The following LARGE1 variants were observed in gnomAD, a reference collection of about 807,000 sequenced individuals.
LARGE1 encodes the protein LARGE xylosyl- and glucuronyltransferase 1.
Under a neutral mutation model 87.6 loss-of-function variants are expected in LARGE1, and 43 were observed. The observed-to-expected ratio is 0.49, with a 90% CI of 0.38 to 0.63. The LOEUF (loss-of-function observed/expected upper bound fraction) is 0.63, where lower values mean the gene tolerates loss of function less well. LARGE1 is among the 30% of genes least tolerant of loss of function. The probability of loss-of-function intolerance (pLI) is 0.00; values close to 1 mark genes in which losing one functional copy is unlikely to be tolerated. For missense variants in LARGE1, 802 were observed against 1,000.2 expected (o/e 0.80, Z 2.67); for synonymous variants, 434 against 394.6 (o/e 1.10, Z -1.18).
intron 2 of LARGE1, among the ~76,000 whole-genome samples, chr22:33,719,497 A>ATAGT (rs1556010991): frequency 3.4e-5 from 5 of 145,104 alleles, no homozygotes; most frequent in African/African-American, 1.3e-4. Context: ...CATCTATACC[A>ATAGT]TATTTATTTA....
At chr22:33,632,413 C>T (rs757748080) in intron 3 of LARGE1, among the ~76,000 whole-genome samples, 1 of 152,150 alleles carries the variant, frequency 6.6e-6, no homozygotes, top group Non-Finnish European at 1.5e-5. Flanking sequence ...CATGAGCCAC[C>T]GTGCCTGGTT....
At chr22:33,922,271 T>TC (rs1569037147), upstream of LARGE1, among the ~76,000 whole-genome samples, 9 of 17,128 alleles carry the variant, frequency 5.3e-4, no homozygotes, top group Non-Finnish European at 8.3e-4. Context: ...GAGGTCGGGC[T>TC]GGGGGGGTGG....
intron 1 of LARGE1, among the ~76,000 whole-genome samples, chr22:33,906,597 G>A (rs1460065171): frequency 6.6e-6 from 1 of 152,156 alleles, no homozygotes; most frequent in Non-Finnish European, 1.5e-5. Flanking sequence ...TAAGGAAGGG[G>A]CCTTTCCTAT....
the LARGE1 span, among the ~76,000 whole-genome samples, chr22:33,100,869 C>T: frequency 3.5e-5 from 5 of 142,198 alleles, no homozygotes; most frequent in Admixed American, 2.9e-4. Context: ...GATGGAGTTT[C>T]GCTCTTGTTG....
intron 9 of LARGE1, among the ~76,000 whole-genome samples, chr22:33,344,003 G>T (rs899644595): frequency 6.6e-6 from 1 of 152,168 alleles, no homozygotes; most frequent in Non-Finnish European, 1.5e-5. Context: ...GGGAGAAAGA[G>T]GTGGGCTGGG....
intron 1 of LARGE1, among the ~76,000 whole-genome samples, chr22:33,826,754 AT>A (rs1294989571): frequency 6.6e-6 from 1 of 152,054 alleles, no homozygotes; most frequent in African/African-American, 2.4e-5. Flanking sequence ...GTCTTTTCCT[AT>A]TTCCAAATCA....
At chr22:33,834,082 G>A (rs573825818) in intron 1 of LARGE1, among the ~76,000 whole-genome samples, 23 of 152,134 alleles carry the variant, frequency 1.5e-4, no homozygotes, top group African/African-American at 5.5e-4. Context: ...TGGGATTCAA[G>A]GTAATAAAGC....
At position 33,278,744 on chromosome 22, in the gene LARGE1, G is replaced by A. The variant is rs918289170; in HGVS notation, c.1878-1489C>T. Among the ~76,000 whole-genome samples, 4 of 151,792 alleles carry A rather than the reference G, an allele frequency of 2.6e-5. No homozygotes were observed. The South Asian group carries it at 6.3e-4, about 24-fold the overall frequency. On this transcript the variant is annotated intron_variant, in intron 13 of 14. Transcript: ENST00000397394. ...TTTTTATTTTTTTATTTTTTGGGAT[G>A]GAGTCTCGCTCTGTCTCCAGGCTGG...
At chr22:33,721,382 G>T (rs1269887706) in intron 2 of LARGE1, among the ~76,000 whole-genome samples, 62 of 152,232 alleles carry the variant, frequency 4.1e-4, no homozygotes, top group Non-Finnish European at 1.5e-5. Flanking sequence ...ACGATTAGGT[G>T]AGAATTTGAA....
chr22:33,176,953 T>C (rs191959257), intron 11 of LARGE1, among the ~76,000 whole-genome samples: 1 of 152,262 alleles, frequency 6.6e-6, no homozygotes, highest in East Asian at 1.9e-4. Flanking sequence ...GTGGCACACA[T>C]ACACCATGGA....
intron 1 of LARGE1, among the ~76,000 whole-genome samples, chr22:33,916,610 G>A (rs1324578780): frequency 1.3e-5 from 2 of 152,170 alleles, no homozygotes; most frequent in Admixed American, 1.3e-4. Context: ...TCCCCGAGGT[G>A]TGTCAGTGGC....
chr22:33,853,178 G>A (rs567828514), intron 1 of LARGE1, among the ~76,000 whole-genome samples: 3 of 152,082 alleles, frequency 2.0e-5, no homozygotes, highest in African/African-American at 4.8e-5. Flanking sequence ...GAACTTGTCC[G>A]AGACCACACA....
Position 33,821,952 on chromosome 22 carries a change from G to T in LARGE1, c.-82-60394C>A, listed in dbSNP as rs1347152313. On this transcript the variant is annotated intron_variant, in intron 1 of 14. Transcript: ENST00000397394. Reference sequence around the variant, plus strand: ...GGTTCCGTTTAAGTGACTTTTTTAGGTTTTTTTTTTTTTTTTTTAAAGAGC... The same window carrying T: ...GGTTCCGTTTAAGTGACTTTTTTAGTTTTTTTTTTTTTTTTTTTAAAGAGC... 5.1e-5 allele frequency among the ~76,000 whole-genome samples: 7 copies of T among 137,694 alleles called. No homozygotes were observed. In the East Asian group the frequency reaches 6.3e-4, roughly 12 times the overall value. 90.3% of individuals were successfully genotyped at this position (137,694 alleles called of 152,430 possible).
intron 6 of LARGE1, among the ~76,000 whole-genome samples, chr22:33,436,977 T>C (rs2067294063): frequency 1.3e-5 from 2 of 151,792 alleles, no homozygotes; most frequent in South Asian, 4.2e-4. Flanking sequence ...CCCTCCTTTA[T>C]CTCTAAGTTG....
intron 9 of LARGE1, among the ~76,000 whole-genome samples, chr22:33,350,261 C>G (rs577225003): frequency 3.3e-5 from 5 of 152,088 alleles, no homozygotes; most frequent in Non-Finnish European, 7.3e-5. Flanking sequence ...GCAAAGAATT[C>G]CTGATGCTGT....
intron 7 of LARGE1, among the ~76,000 whole-genome samples, chr22:33,407,481 A>G (rs960365204): frequency 1.3e-5 from 2 of 152,296 alleles, no homozygotes; most frequent in East Asian, 3.9e-4. Context: ...AGGTAATTCT[A>G]TCTTTCTTTT....
the LARGE1 span, among the ~76,000 whole-genome samples, chr22:33,114,633 T>A: frequency 6.6e-6 from 1 of 152,364 alleles, no homozygotes; most frequent in South Asian, 2.1e-4. Flanking sequence ...ACTGCATAAA[T>A]GTGTTTCTAT....
intron 2 of LARGE1, among the ~76,000 whole-genome samples, chr22:33,677,097 A>G (rs2081604548): frequency 6.6e-6 from 1 of 152,144 alleles, no homozygotes; most frequent in African/African-American, 2.4e-5. Context: ...CCAGCTCACA[A>G]GTGGCAGGGC....
intron 2 of LARGE1, among the ~76,000 whole-genome samples, chr22:33,682,999 C>T (rs770189635): frequency 6.6e-6 from 1 of 152,218 alleles, no homozygotes. Context: ...TAATGGGTAA[C>T]ATATACTGAT....
Sources: gnomAD v4.1 joint callset for allele counts (sites outside exome capture counted in the v4.1 genomes callset) on GRCh38, gnomAD v4.1.1 for gene constraint, MANE v1.5 for transcripts, NCBI Gene and HGNC (gene_info 2026-07-23, HGNC 2026-07-21) for gene names.